The following PHRF1 variants were observed in gnomAD, a reference collection of about 807,000 sequenced individuals.
PHRF1 encodes PHD and ring finger domains 1, also known as PHD and RING finger domain-containing protein 1.
In PHRF1, 53 loss-of-function variants were observed where a neutral mutation model predicts 128.9. The ratio of observed to expected loss-of-function variants is 0.41; its 90% CI spans 0.33 to 0.52. The LOEUF is 0.52. Among genes scored for constraint, PHRF1 ranks in the 20% least tolerant of loss-of-function variants. PHRF1 has a pLI of 0.21. For missense variants in PHRF1, 2,503 were observed against 2,284.5 expected (o/e 1.10, Z -1.95); for synonymous variants, 1,178 against 980.6 (o/e 1.20, Z -3.76).
chr11:584,501 A>G (rs942106302), intron 3 of PHRF1, among the ~76,000 whole-genome samples: 1 of 152,046 alleles, frequency 6.6e-6, no homozygotes, highest in African/African-American at 2.4e-5. Context: ...GGCAGGCTCC[A>G]TGGACCTGGG....
chr11:584,729 CTT>C (rs869125196), intron 3 of PHRF1, among the ~76,000 whole-genome samples: 23 of 90,318 alleles, frequency 2.5e-4, no homozygotes, highest in African/African-American at 8.1e-4. Context: ...TCTCCAGGAC[CTT>C]TTTTTTTTTT....
chr11:578,314 C>T (rs1168025087), intron 1 of PHRF1, among the ~76,000 whole-genome samples: 1 of 152,224 alleles, frequency 6.6e-6, no homozygotes, highest in Non-Finnish European at 1.5e-5. Context: ...TGTTGTTCAG[C>T]CTCACGTAAC....
Position 610,994 on chromosome 11 carries a change from A to T in PHRF1, c.4718A>T (p.Glu1573Val). Reference protein sequence around the residue: ...KLHMQERAVEEVKLAIKPFYQ... With the variant: ...KLHMQERAVEVVKLAIKPFYQ... ...CACATGCAGGAGCGTGCTGTGGAGG[A>T]GGTGAAGCTGGCCATCAAGCCCTTC... The change falls in exon 17 of 18, where the codon GAG (glutamate) becomes GTG (valine). Residue 1573 changes from glutamate to valine, a missense_variant. Physicochemically the swap from Glu to Val is moderately radical, Grantham distance 121. Transcript: ENST00000264555. 2.5e-6 allele frequency: 4 copies of T among 1,613,494 alleles called. No individual in the cohort carries two copies. The highest frequency in any genetic ancestry group is 2.2e-5 in the East Asian group (1 of 44,880).
intron 1 of PHRF1, 116 bp from the exon 2 acceptor site, chr11:581,376 G>A: frequency 1.3e-6 from 1 of 786,764 alleles, no homozygotes; most frequent in Non-Finnish European, 2.1e-6. Flanking sequence ...CTCTTCACGT[G>A]CTGTGGCGGT....
intron 17 of PHRF1, 50 bp from the exon 18 acceptor site, chr11:611,584 G>C (rs764785002): frequency 7.5e-6 from 12 of 1,610,238 alleles, no homozygotes; most frequent in South Asian, 5.5e-5. Flanking sequence ...GCTCTGGCCC[G>C]GAACATCTGG....
In PHRF1 at chr11:581,365, A is replaced by T. The variant is rs1854191091; in HGVS notation, c.-21-127A>T. ...TTCTGTGGGTGATATCTCAGGGCTC[A>T]CTCTTCACGTGCTGTGGCGGTGGAT... On this transcript the variant is annotated intron_variant, in intron 1 of 17. Transcript: ENST00000264555. The T allele has an allele frequency of 1.4e-5, 10 of 721,992 alleles. No homozygotes were observed. In the East Asian group the frequency reaches 2.8e-4, roughly 20 times the overall value. The allele number at this position is 721,992 out of a possible 1,614,324, so 44.7% of individuals were successfully genotyped here.
chr11:601,080 G>GGCGGAGGTT (rs1414686701), intron 9 of PHRF1, among the ~76,000 whole-genome samples: 2 of 152,228 alleles, frequency 1.3e-5, no homozygotes, highest in Non-Finnish European at 2.9e-5. Context: ...GAACCCAGGA[G>GGCGGAGGTT]GCGGAGGTTG....
rs1856192799 is a variant in PHRF1 at position 609,336 on chromosome 11, A to G, written c.3880A>G (p.Ser1294Gly). The G allele has an allele frequency of 6.2e-7, 1 of 1,612,398 alleles. No homozygotes were observed. Among genetic ancestry groups the G allele is most frequent in the Non-Finnish European group, 8.5e-7 (1 of 1,179,898 alleles). ...CATGAGCTCGCCACCTTCTCCCGAA[A>G]GCACAGACTCTTCCCCGGAGCGAGA... ...DDMSSPPSPE[S>G]TDSSPERDFP... Residue 1294 changes from serine (S) to glycine (G), a missense_variant, in exon 14 of 18, where the codon AGC (serine) becomes GGC (glycine). Coordinates refer to ENST00000264555, the MANE Select transcript of PHRF1 (RefSeq NM_001286581.2).
intron 4 of PHRF1, 58 bp from the exon 5 acceptor site, chr11:591,326 T>A (rs1036828757): frequency 6.9e-7 from 1 of 1,457,072 alleles, no homozygotes; most frequent in African/African-American, 1.4e-5. Flanking sequence ...TAAAAGAATT[T>A]TTGATCTCTA....
intron 4 of PHRF1, among the ~76,000 whole-genome samples, chr11:589,883 G>A (rs1406335137): frequency 1.4e-5 from 2 of 146,212 alleles, no homozygotes; most frequent in South Asian, 2.1e-4. Context: ...GCCTGAGAAT[G>A]TCTGCAAACG....
At position 607,933 on chromosome 11, in the gene PHRF1, G is replaced by A. The variant is rs746676771; in HGVS notation, c.2477G>A (p.Arg826Gln). 1.4e-5 allele frequency: 23 copies of A among 1,612,468 alleles called. No individual in the cohort carries two copies. The highest frequency in any genetic ancestry group is 2.2e-5 in the East Asian group (1 of 44,886). ...LFSIKKTKQL[R>Q]SEVYDPSDPT... ...TCCATCAAGAAGACGAAGCAGCTGCGGAGCGAGGTCTACGACCCATCCGAC... is the reference window on the plus strand; with the variant it reads ...TCCATCAAGAAGACGAAGCAGCTGCAGAGCGAGGTCTACGACCCATCCGAC... Residue 826 changes from arginine (R) to glutamine (Q), a missense_variant, in exon 14 of 18, where the codon CGG becomes CAG. By Grantham distance (43) the Arg-to-Gln change is conservative. Transcript: ENST00000264555.
At position 597,138 on chromosome 11, in the gene PHRF1, GT is replaced by G; in HGVS notation, c.718+120del. ...GGACATCTAGGGCTGTCTCATGGGG[GT>G]TAGGGTTGGCTGCGGTGTCGGGAGG... On this transcript the variant is annotated intron_variant, in intron 7 of 17. Transcript: ENST00000264555. The surrounding 1 kb of genome is among the most constrained non-coding windows in gnomAD (Gnocchi z 6.5). 1.7e-6 allele frequency: 2 copies of G among 1,148,772 alleles called. No individual in the cohort carries two copies. The highest frequency in any genetic ancestry group is 1.2e-6 in the Non-Finnish European group (1 of 803,878). The allele number at this position is 1,148,772 out of a possible 1,614,324, so 71.2% of individuals were successfully genotyped here. A position where few individuals can be genotyped will look rare whatever the true frequency, so the allele number is the denominator to read the frequency against.
chr11:586,175 T>C (rs919159184), intron 3 of PHRF1, among the ~76,000 whole-genome samples: 7 of 152,190 alleles, frequency 4.6e-5, no homozygotes, highest in Non-Finnish European at 7.4e-5. Context: ...TTTGTACTTT[T>C]AGTAGAGACG....
In PHRF1 at chr11:587,481, T is replaced by C. The variant is rs1175594888; in HGVS notation, c.420+17T>C. The C allele has an allele frequency of 1.9e-6, 3 of 1,611,642 alleles. No individual in the cohort carries two copies. In the Admixed American group the frequency reaches 5.0e-5, roughly 27 times the overall value. The stretch of plus-strand genomic sequence containing the variant: ...TGGTCCAAGGTGAGTTCACCTCTGG[T>C]TGGGTGCTTCCTCCCTTCAGGATGG... On this transcript the variant is annotated intron_variant, in intron 4 of 17. Transcript: ENST00000264555.
intron 4 of PHRF1, among the ~76,000 whole-genome samples, chr11:588,189 C>T (rs1022115520): frequency 1.3e-5 from 2 of 152,046 alleles, no homozygotes; most frequent in African/African-American, 2.4e-5. Flanking sequence ...GTGACTGGGT[C>T]CTCCTGTTCT....
At chr11:611,583 C>A in intron 17 of PHRF1, 51 bp from the exon 18 acceptor site, 1 of 1,610,382 alleles carries the variant, frequency 6.2e-7, no homozygotes, top group South Asian at 1.1e-5. Context: ...GGCTCTGGCC[C>A]GGAACATCTG....
rs1451317011 is a variant in PHRF1 at position 610,355 on chromosome 11, T to G, written c.4416+8T>G. ...GACACAGACCCCTCTCAGGTGGGTG[T>G]CTGGGCTGGAGGGCTGTGGGCCGTG... On this transcript the variant is annotated splice_region_variant and intron_variant, in intron 15 of 17. Coordinates refer to ENST00000264555, the MANE Select transcript of PHRF1 (RefSeq NM_001286581.2). 6.4e-7 allele frequency: 1 copy of G among 1,556,990 alleles called. No homozygotes were observed. Among genetic ancestry groups the G allele is most frequent in the Non-Finnish European group, 8.7e-7 (1 of 1,150,268 alleles).
rs1377980554 is a variant in PHRF1 at position 591,415 on chromosome 11, T to G, written c.452T>G (p.Leu151Arg). Residue 151 changes from leucine (L) to arginine (R), a missense_variant, in exon 5 of 18, where the codon CTA (leucine) becomes CGA (arginine). Leu to Arg is a moderately radical substitution (Grantham distance 102). Coordinates refer to ENST00000264555, the MANE Select transcript of PHRF1 (RefSeq NM_001286581.2). Reference sequence around the variant, plus strand: ...AATTCCTGTCCAGTTGATCGAACTCTATTTAAGTGCATTTGTATTCGAGCT... The same window carrying G: ...AATTCCTGTCCAGTTGATCGAACTCGATTTAAGTGCATTTGTATTCGAGCT... Reference protein sequence around the residue: ...NANSCPVDRTLFKCICIRAQF... With the variant: ...NANSCPVDRTRFKCICIRAQF... 6.2e-7 allele frequency: 1 copy of G among 1,610,266 alleles called. No homozygotes were observed. Among genetic ancestry groups the G allele is most frequent in the Non-Finnish European group, 8.5e-7 (1 of 1,178,524 alleles).
chr11:590,408 G>A (rs565834079), intron 4 of PHRF1, among the ~76,000 whole-genome samples: 29 of 152,332 alleles, frequency 1.9e-4, no homozygotes, highest in African/African-American at 6.5e-4. Context: ...GCCATGAGCA[G>A]AGTCCATGCT....
Sources: gnomAD v4.1 joint callset for allele counts (sites outside exome capture counted in the v4.1 genomes callset) on GRCh38, gnomAD v4.1.1 for gene constraint, Gnocchi (gnomAD v3.1) non-coding constraint, MANE v1.5 for transcripts, NCBI Gene and HGNC (gene_info 2026-07-23, HGNC 2026-07-21) for gene names.